Variants in SMARCD3 observed in about 807,000 individuals in gnomAD.
The protein encoded by SMARCD3 is SWI/SNF-related matrix-associated actin-dependent regulator of chromatin subfamily D member 3.
A neutral mutation model predicts 58.0 loss-of-function variants in SMARCD3; 14 were observed. The observed-to-expected ratio is 0.24, with a 90% CI of 0.16 to 0.38. The LOEUF is 0.38. Ranked by LOEUF, SMARCD3 falls within the 10% of genes least tolerant of loss-of-function variation. The pLI, the probability that SMARCD3 is intolerant of heterozygous loss-of-function variation, is 1.00. For synonymous variants in SMARCD3, 253 were observed against 253.8 expected (o/e 1.00, Z 0.03); for missense variants, 408 against 636.9 (o/e 0.64, Z 3.87).
At chr7:151,251,699 C>CCTGTCGGGGGCGAGGGCGG (rs1186914568), upstream of SMARCD3, among the ~76,000 whole-genome samples, 1 of 152,000 alleles carries the variant, frequency 6.6e-6, no homozygotes, top group African/African-American at 2.4e-5. Flanking sequence ...AGGCCGTGCG[C>CCTGTCGGGGGCGAGGGCGG]CTGTCGGGGG....
intron 2 of SMARCD3, among the ~76,000 whole-genome samples, chr7:151,257,027 A>G (rs927570641): frequency 2.6e-5 from 4 of 152,096 alleles, no homozygotes; most frequent in African/African-American, 9.7e-5. Flanking sequence ...TTACATCCCC[A>G]TTGGAATAAG....
chr7:151,247,925 C>T (rs1803350282), intron 1 of SMARCD3, among the ~76,000 whole-genome samples: 1 of 152,198 alleles, frequency 6.6e-6, no homozygotes, highest in Non-Finnish European at 1.5e-5. Context: ...TGGGCTAAGT[C>T]CCTAGAGCGG....
rs78671556 is a variant in SMARCD3, at chr7:151,240,932, G to A, written c.940-410C>T. On this transcript the variant is annotated intron_variant, in intron 8 of 12. Coordinates refer to ENST00000262188, the MANE Select transcript of SMARCD3 (RefSeq NM_001003801.2). ...CATAAAGTGCTTGGGACAGTGCCTG[G>A]CACATGGTAAGTGCCCAATAAATAT... 10 of 242,614 alleles carry A rather than the reference G, an allele frequency of 4.1e-5. No homozygotes were observed. The East Asian group carries it at 9.4e-4, about 23-fold the overall frequency. The allele number at this position is 242,614 out of a possible 1,614,324, so 15.0% of individuals were successfully genotyped here.
At chr7:151,264,522 C>T (rs1333445257) in intron 2 of SMARCD3, among the ~76,000 whole-genome samples, 1 of 152,150 alleles carries the variant, frequency 6.6e-6, no homozygotes, top group Admixed American at 6.5e-5. Context: ...TGGTCTCACA[C>T]AAGAAGCCAC....
At chr7:151,249,776 T>G (rs1196583000), upstream of SMARCD3, among the ~76,000 whole-genome samples, 2 of 148,186 alleles carry the variant, frequency 1.3e-5, no homozygotes, top group Non-Finnish European at 1.5e-5. The surrounding 1 kb of genome is among the most constrained non-coding windows in gnomAD (Gnocchi z 4.8). Context: ...TGGCGTGGGG[T>G]GGCAAGGGAG....
At chr7:151,274,241 G>A (rs887847323) in intron 2 of SMARCD3, among the ~76,000 whole-genome samples, 14 of 152,156 alleles carry the variant, frequency 9.2e-5, no homozygotes, top group South Asian at 4.1e-4. Flanking sequence ...GCCTCCCACC[G>A]GTGAGGCCAG....
Position 151,243,606 on chromosome 7 carries a change from C to T in SMARCD3, c.333+53G>A, listed in dbSNP as rs1265026776. ...CTGCTTCTGAGGGGGGAGGGGAGGG[C>T]GGAGCAGCAAAGGGTGGGGGGTGGG... On this transcript the variant is annotated intron_variant, in intron 3 of 12. Coordinates refer to ENST00000262188, the MANE Select transcript of SMARCD3 (RefSeq NM_001003801.2). The surrounding 1 kb of genome is among the most constrained non-coding windows in gnomAD (Gnocchi z 4.4). The T allele has an allele frequency of 1.3e-5, 13 of 985,654 alleles. No individual in the cohort carries two copies. Among genetic ancestry groups the T allele is most frequent in the Middle Eastern group, 3.0e-4 (1 of 3,302 alleles). 61.1% of individuals were successfully genotyped at this position (985,654 alleles called of 1,614,324 possible).
chr7:151,248,457 C>T lies in SMARCD3; in HGVS notation c.78+28G>A, dbSNP rs1803382900. ...ATTCAGCCCGAGCCAGCTCGCTTGCCCTCCCCCGCTAACTTTCCCCCACTC... is the reference window on the plus strand; with the variant it reads ...ATTCAGCCCGAGCCAGCTCGCTTGCTCTCCCCCGCTAACTTTCCCCCACTC... On this transcript the variant is annotated intron_variant, in intron 1 of 12. Coordinates refer to ENST00000262188, the MANE Select transcript of SMARCD3 (RefSeq NM_001003801.2). The surrounding 1 kb of genome is among the most constrained non-coding windows in gnomAD (Gnocchi z 6.1). The T allele has an allele frequency of 1.3e-6, 2 of 1,590,466 alleles. No homozygotes were observed. The highest frequency in any genetic ancestry group is 1.3e-5 in the African/African-American group (1 of 74,564).
In SMARCD3 at chr7:151,243,701, A is replaced by G; in HGVS notation, c.291T>C (p.Ser97=). ...TGTCAGCCATCTTCCTCCTCTTGGCACTGTACATTTTTTAAAGAAAAAACC... is the reference window on the plus strand; with the variant it reads ...TGTCAGCCATCTTCCTCCTCTTGGCGCTGTACATTTTTTAAAGAAAAAACC... ...PVPTAPARSR[S]AKRRKMADKI... is the part of the protein sequence containing the mutation. The change falls in exon 3 of 13, where the codon AGT becomes AGC. Residue 97 remains serine, a splice_region_variant and synonymous_variant. Transcript: ENST00000262188. This position sits in a 1 kb window ranked among gnomAD's most constrained non-coding sequence, Gnocchi z 4.4. The G allele has an allele frequency of 6.2e-7, 1 of 1,609,894 alleles. No individual in the cohort carries two copies. Among genetic ancestry groups the G allele is most frequent in the Non-Finnish European group, 8.5e-7 (1 of 1,176,312 alleles).
chr7:151,252,850 C>G (rs1334261219), upstream of SMARCD3, among the ~76,000 whole-genome samples: 1 of 152,196 alleles, frequency 6.6e-6, no homozygotes. Flanking sequence ...TCTGTACCCC[C>G]GACACTCTCT....
intron 10 of SMARCD3, 48 bp downstream of exon 10, chr7:151,240,064 A>G (rs752876644): frequency 3.1e-6 from 5 of 1,603,634 alleles, no homozygotes; most frequent in Admixed American, 1.7e-5. Flanking sequence ...AGTCTCCTCT[A>G]TCATCTCTGG....
chr7:151,260,248 C>T (rs1164178063), intron 2 of SMARCD3, among the ~76,000 whole-genome samples: 1 of 152,086 alleles, frequency 6.6e-6, no homozygotes, highest in Non-Finnish European at 1.5e-5. Flanking sequence ...CCAACACACG[C>T]ACCCCACCTT....
rs1803078641 is a variant in SMARCD3, at chr7:151,243,041, G to C, written c.334-198C>G. Among the ~76,000 whole-genome samples, 1 of 152,168 alleles carries C rather than the reference G, an allele frequency of 6.6e-6. No individual in the cohort carries two copies. The highest frequency in any genetic ancestry group is 6.5e-5 in the Admixed American group (1 of 15,284). ...AGCAGTAGGGGCCTTGCTGTGTAGG[G>C]ATAACAATTGCTTCTCCCTTTAGGA... On this transcript the variant is annotated intron_variant, in intron 3 of 12. Coordinates refer to ENST00000262188, the MANE Select transcript of SMARCD3 (RefSeq NM_001003801.2). This position sits in a 1 kb window ranked among gnomAD's most constrained non-coding sequence, Gnocchi z 4.4.
chr7:151,269,779 T>G (rs1357080331), intron 2 of SMARCD3, among the ~76,000 whole-genome samples: 1 of 152,136 alleles, frequency 6.6e-6, no homozygotes, highest in Non-Finnish European at 1.5e-5. Flanking sequence ...CGAGGGGCGC[T>G]CGGTGAACGC....
In SMARCD3 at chr7:151,241,630, G is replaced by A. The variant is rs1802990808; in HGVS notation, c.801C>T (p.Pro267=). Residue 267 remains proline (P), a synonymous_variant, in exon 8 of 13, where the codon CCC becomes CCT. Transcript: ENST00000262188. The surrounding 1 kb of genome is among the most constrained non-coding windows in gnomAD (Gnocchi z 5.3). ...DYQPPQFKLD[P]RLARLLGLHT... ...GCAGCCCCAGCAGCCGGGCTAGGCG[G>A]GGATCCAGTTTGAACTGGGGAGGCT... is the stretch of plus-strand genomic sequence containing the variant. 1 of 1,611,588 alleles carries A rather than the reference G, an allele frequency of 6.2e-7. No individual in the cohort carries two copies. The highest frequency in any genetic ancestry group is 1.1e-5 in the South Asian group (1 of 90,486).
intron 2 of SMARCD3, among the ~76,000 whole-genome samples, chr7:151,256,661 T>C (rs1224902385): frequency 6.6e-6 from 1 of 152,126 alleles, no homozygotes. Context: ...CAGTCACAAA[T>C]ATGCCCGCTC....
At chr7:151,247,646 C>A (rs1040303143) in intron 1 of SMARCD3, among the ~76,000 whole-genome samples, 1 of 152,122 alleles carries the variant, frequency 6.6e-6, no homozygotes, top group African/African-American at 2.4e-5. Context: ...GCCTCCACTC[C>A]CTCACCCATC....
At chr7:151,240,392 C>T in intron 9 of SMARCD3, 33 bp downstream of exon 9, 1 of 1,596,682 alleles carries the variant, frequency 6.3e-7, no homozygotes, top group Non-Finnish European at 8.6e-7. Flanking sequence ...GAGATCATTC[C>T]CTGGTCTGAG....
upstream of SMARCD3, among the ~76,000 whole-genome samples, chr7:151,251,823 G>A (rs1376217576): frequency 6.0e-5 from 9 of 151,220 alleles, no homozygotes; most frequent in African/African-American, 1.9e-4. Flanking sequence ...TCCCCGCGCA[G>A]GGAGAGATGC....
Sources: allele counts gnomAD v4.1 joint callset (sites outside exome capture counted in the v4.1 genomes callset), GRCh38; gene constraint gnomAD v4.1.1; non-coding constraint Gnocchi (gnomAD v3.1); transcripts MANE v1.5; gene names NCBI Gene and HGNC (gene_info 2026-07-23, HGNC 2026-07-21).